Variants in ANKHD1 observed in about 807,000 individuals in gnomAD.
ANKHD1 encodes the protein ankyrin repeat and KH domain containing 1.
A neutral mutation model predicts 230.5 loss-of-function variants in ANKHD1; 31 were observed. The observed-to-expected ratio is 0.13, with a 90% CI of 0.10 to 0.18. ANKHD1 has a LOEUF of 0.18. Ranked by LOEUF, ANKHD1 falls within the 10% of genes least tolerant of loss-of-function variation. The probability of loss-of-function intolerance (pLI) is 1.00; values close to 1 mark genes in which losing one functional copy is unlikely to be tolerated. For missense variants in ANKHD1, 2,256 were observed against 3,071.3 expected (o/e 0.73, Z 6.27); for synonymous variants, 1,074 against 1,117.6 (o/e 0.96, Z 0.78).
chr5:140,507,217 C>T lies in ANKHD1; in HGVS notation c.3551+240C>T, dbSNP rs1041106909. Among the ~76,000 whole-genome samples, 1 of 152,292 alleles carries T rather than the reference C, an allele frequency of 6.6e-6. No homozygotes were observed. The highest frequency in any genetic ancestry group is 2.4e-5 in the African/African-American group (1 of 41,562). On this transcript the variant is annotated intron_variant, in intron 19 of 33. Coordinates refer to ENST00000360839, the MANE Select transcript of ANKHD1 (RefSeq NM_017747.3). The surrounding 1 kb of genome is among the most constrained non-coding windows in gnomAD (Gnocchi z 4.1). ...TTGTTCTATGGCCTACCACCCTAAA[C>T]GTGCCCAATCTCATCTGATCTCAGA...
At chr5:140,434,002 A>G (rs1043293076) in intron 1 of ANKHD1, among the ~76,000 whole-genome samples, 2 of 152,182 alleles carry the variant, frequency 1.3e-5, no homozygotes, top group Non-Finnish European at 2.9e-5. Context: ...GTTACATGTT[A>G]AAGAAGCTGT....
At chr5:140,517,348 T>G (rs1753071236) in intron 24 of ANKHD1, among the ~76,000 whole-genome samples, 1 of 143,772 alleles carries the variant, frequency 7.0e-6, no homozygotes, top group Admixed American at 7.0e-5. Flanking sequence ...ATGGGAGACT[T>G]TAACACCCCA....
intron 1 of ANKHD1, among the ~76,000 whole-genome samples, chr5:140,418,421 T>C (rs559025947): frequency 6.6e-6 from 1 of 152,266 alleles, no homozygotes; most frequent in Non-Finnish European, 1.5e-5. Context: ...GTGTTGGGAT[T>C]ACTGGTGTGA....
At chr5:140,499,585 A>T (rs1024633815) in intron 15 of ANKHD1, among the ~76,000 whole-genome samples, 7 of 152,132 alleles carry the variant, frequency 4.6e-5, no homozygotes, top group Non-Finnish European at 1.0e-4. Context: ...TAAGTTGTTT[A>T]TATAATTTAT....
intron 15 of ANKHD1, among the ~76,000 whole-genome samples, chr5:140,503,796 A>T (rs1396679522): frequency 6.6e-6 from 1 of 151,050 alleles, no homozygotes; most frequent in East Asian, 1.9e-4. Flanking sequence ...TGAACTCCCA[A>T]CCCTCCTGAC....
intron 14 of ANKHD1, among the ~76,000 whole-genome samples, chr5:140,491,096 A>T (rs1357575695): frequency 8.1e-6 from 1 of 122,704 alleles, no homozygotes; most frequent in Admixed American, 9.2e-5. Context: ...GTGTGTGTAT[A>T]TATATATATA....
At chr5:140,427,609 A>C (rs1418630889) in intron 1 of ANKHD1, among the ~76,000 whole-genome samples, 3 of 105,266 alleles carry the variant, frequency 2.8e-5, no homozygotes, top group Non-Finnish European at 3.8e-5. Context: ...TGACGCCCCC[A>C]CCTCCCTCCC....
chr5:140,423,087 G>C (rs1393249559), intron 1 of ANKHD1, among the ~76,000 whole-genome samples: 1 of 151,834 alleles, frequency 6.6e-6, no homozygotes, highest in Non-Finnish European at 1.5e-5. Flanking sequence ...TTTTTTGGTG[G>C]AGGTGAGGTC....
intron 14 of ANKHD1, among the ~76,000 whole-genome samples, chr5:140,490,451 C>G (rs925619451): frequency 1.5e-4 from 23 of 152,136 alleles, no homozygotes; most frequent in African/African-American, 5.6e-4. Context: ...ATTTAGGCAA[C>G]TTGATCTCAC....
chr5:140,446,932 G>A (rs903861273), intron 6 of ANKHD1, among the ~76,000 whole-genome samples: 8 of 150,442 alleles, frequency 5.3e-5, no homozygotes, highest in South Asian at 2.1e-4. Flanking sequence ...TTTTTGAGAC[G>A]GAGTTTCACT....
In ANKHD1 at chr5:140,507,050, T is replaced by C; in HGVS notation, c.3551+73T>C. 1.3e-6 allele frequency: 2 copies of C among 1,557,946 alleles called. No homozygotes were observed. Among genetic ancestry groups the C allele is most frequent in the Non-Finnish European group, 1.7e-6 (2 of 1,157,338 alleles). ...GGACTTAAATGTCTACCTCTTAACG[T>C]TTAGACAGATACATTTTAAATTAAG... On this transcript the variant is annotated intron_variant, in intron 19 of 33. Transcript: ENST00000360839. This position sits in a 1 kb window ranked among gnomAD's most constrained non-coding sequence, Gnocchi z 4.1.
intron 25 of ANKHD1, chr5:140,524,981 TG>T (rs1304522931): frequency 3.2e-6 from 1 of 317,044 alleles, no homozygotes; most frequent in African/African-American, 2.3e-5. Context: ...ATTACAGGCG[TG>T]GTGGCACATG....
intron 1 of ANKHD1, among the ~76,000 whole-genome samples, chr5:140,403,896 T>C (rs1383129937): frequency 6.6e-6 from 1 of 152,214 alleles, no homozygotes; most frequent in Non-Finnish European, 1.5e-5. Context: ...ATTTGTGGGT[T>C]ACAGACTGCA....
At chr5:140,472,037 TA>T (rs1776530978) in intron 10 of ANKHD1, among the ~76,000 whole-genome samples, 1 of 152,218 alleles carries the variant, frequency 6.6e-6, no homozygotes, top group African/African-American at 2.4e-5. Context: ...GTTTTATTGG[TA>T]AAAAACCATA....
rs564153431 is a variant in ANKHD1 at position 140,519,532 on chromosome 5, A to G, written c.4318-4534A>G. 4.6e-5 allele frequency among the ~76,000 whole-genome samples: 7 copies of G among 152,364 alleles called. No individual in the cohort carries two copies. In the South Asian group the frequency reaches 1.5e-3, roughly 32 times the overall value. ...ACACTACCTGACTTCCAACTATACT[A>G]CAAGGCTACAGTAACCAAAACAGAA... On this transcript the variant is annotated intron_variant, in intron 24 of 33. Transcript: ENST00000360839.
At chr5:140,440,965 A>C (rs1314351747) in intron 4 of ANKHD1, 30 bp from the exon 5 acceptor site, 2 of 1,518,382 alleles carry the variant, frequency 1.3e-6, no homozygotes, top group African/African-American at 1.4e-5. Flanking sequence ...AAGAATTAAC[A>C]ATTTCTCTGT....
intron 22 of ANKHD1, 125 bp downstream of exon 22, chr5:140,510,306 A>ATTATT: frequency 1.2e-6 from 1 of 864,518 alleles, no homozygotes; most frequent in Non-Finnish European, 1.5e-6. Context: ...CTATCTTTCC[A>ATTATT]TTCTTTTTTT....
chr5:140,532,496 C>T (rs895225680), intron 29 of ANKHD1, among the ~76,000 whole-genome samples: 17 of 151,872 alleles, frequency 1.1e-4, no homozygotes, highest in Admixed American at 7.9e-4. Context: ...AGTGTAGTGG[C>T]GTGATCATGG....
At chr5:140,443,450 G>A (rs1338735634) in intron 5 of ANKHD1, among the ~76,000 whole-genome samples, 2 of 151,804 alleles carry the variant, frequency 1.3e-5, no homozygotes, top group African/African-American at 4.8e-5. Context: ...CAGCACTTTG[G>A]GAGGCTGAGG....
Sources: gnomAD v4.1 joint callset for allele counts (sites outside exome capture counted in the v4.1 genomes callset) on GRCh38, gnomAD v4.1.1 for gene constraint, Gnocchi (gnomAD v3.1) non-coding constraint, MANE v1.5 for transcripts, NCBI Gene and HGNC (gene_info 2026-07-23, HGNC 2026-07-21) for gene names.